Variants in ZNF469 observed in about 807,000 individuals in gnomAD.
ZNF469 encodes zinc finger protein 469.
Under a neutral mutation model 1.0 loss-of-function variants are expected in ZNF469, and 1 was observed. The ratio of observed to expected loss-of-function variants is 1.00; its 90% confidence interval spans 0.35 to 4.73. The LOEUF (loss-of-function observed/expected upper bound fraction) is 4.73. Among genes scored for constraint, ZNF469 ranks in the 30% most tolerant of loss-of-function variants. The pLI, the probability that ZNF469 is intolerant of heterozygous loss-of-function variation, is 0.16. For synonymous variants in ZNF469, 2,703 were observed against 2,363.4 expected (o/e 1.14, Z -4.17); for missense variants, 6,100 against 5,356.3 (o/e 1.14, Z -4.33).
the ZNF469 span, among the ~76,000 whole-genome samples, chr16:88,167,120 G>C: frequency 7.0e-6 from 1 of 142,916 alleles, no homozygotes; most frequent in African/African-American, 2.6e-5. Flanking sequence ...GGAGTGCAGT[G>C]GTGTGATCTT....
chr16:88,281,160 T>A, the ZNF469 span, among the ~76,000 whole-genome samples: 1 of 142,980 alleles, frequency 7.0e-6, no homozygotes, highest in South Asian at 2.3e-4. Context: ...GCTTGGTCAG[T>A]ACTGTGCTGA....
At chr16:88,266,625 GAGA>G in the ZNF469 span, among the ~76,000 whole-genome samples, 4 of 152,246 alleles carry the variant, frequency 2.6e-5, no homozygotes, top group African/African-American at 4.8e-5. Flanking sequence ...TACAAGAAAG[GAGA>G]AGGTTACCTA....
At chr16:88,411,681 G>A (rs1905172685) in intron 1 of ZNF469, among the ~76,000 whole-genome samples, 1 of 152,186 alleles carries the variant, frequency 6.6e-6, no homozygotes, top group African/African-American at 2.4e-5. Context: ...GACGGCGGTG[G>A]CCTGAGGTGG....
At chr16:88,218,358 G>C in the ZNF469 span, among the ~76,000 whole-genome samples, 2 of 149,880 alleles carry the variant, frequency 1.3e-5, no homozygotes, top group Non-Finnish European at 3.0e-5. Flanking sequence ...TGTCAGATGA[G>C]TAGGTTGCGA....
intron 1 of ZNF469, among the ~76,000 whole-genome samples, chr16:88,400,016 A>G (rs4782351): frequency 0.58 from 88,133 of 152,150 alleles, 25,718 homozygotes; most frequent in African/African-American, 0.61. Flanking sequence ...AGCCACCATC[A>G]TGCCTGCCTC....
chr16:88,322,977 C>G, the ZNF469 span, among the ~76,000 whole-genome samples: 1 of 152,210 alleles, frequency 6.6e-6, no homozygotes, highest in Non-Finnish European at 1.5e-5. Flanking sequence ...GAACGGCATG[C>G]TTACAACGCT....
chr16:88,261,972 T>A, the ZNF469 span, among the ~76,000 whole-genome samples: 1 of 152,192 alleles, frequency 6.6e-6, no homozygotes, highest in South Asian at 2.1e-4. The surrounding 1 kb of genome is among the most constrained non-coding windows in gnomAD (Gnocchi z 6.0). Flanking sequence ...CTGCACTGGC[T>A]GAAGCTCCGG....
chr16:88,326,202 G>A, the ZNF469 span, among the ~76,000 whole-genome samples: 1 of 152,178 alleles, frequency 6.6e-6, no homozygotes, highest in Non-Finnish European at 1.5e-5. Flanking sequence ...TGAATTACGG[G>A]GGTGGCTCTT....
At position 88,429,540 on chromosome 16, in the gene ZNF469, C is replaced by A. The variant is rs867021038; in HGVS notation, c.2070C>A (p.Phe690Leu). ...GAFQCLEETP[F>L]PHEGPEVGRG... ...TCCAGTGCCTGGAGGAGACCCCATTCCCCCACGAGGGCCCCGAGGTGGGTC... is the reference window on the plus strand; with the variant it reads ...TCCAGTGCCTGGAGGAGACCCCATTACCCCACGAGGGCCCCGAGGTGGGTC... The change falls in exon 3 of 3, where the codon TTC becomes TTA. Residue 690 changes from phenylalanine (F) to leucine (L), a missense_variant. Coordinates refer to ENST00000565624, the MANE Select transcript of ZNF469 (RefSeq NM_001367624.2). The A allele has an allele frequency of 5.2e-6, 8 of 1,549,524 alleles. No homozygotes were observed. In the African/African-American group the frequency reaches 1.1e-4, roughly 21 times the overall value.
chr16:88,153,338 C>G, the ZNF469 span, among the ~76,000 whole-genome samples: 1 of 152,218 alleles, frequency 6.6e-6, no homozygotes, highest in African/African-American at 2.4e-5. Context: ...CCCTGTATCC[C>G]TTCACATGTA....
rs1319825864 is a variant in ZNF469, at chr16:88,427,542, C to T, written c.72C>T (p.Ala24=). The T allele has an allele frequency of 6.5e-7, 1 of 1,536,380 alleles. No homozygotes were observed. The highest frequency in any genetic ancestry group is 8.7e-7 in the Non-Finnish European group (1 of 1,146,086). Residue 24 remains alanine, a synonymous_variant, in exon 3 of 3, where the codon GCC becomes GCT. Transcript: ENST00000565624. ...GAGACCTGCAGCCCCGCCAAGTTGC[C>T]AGCAGCCCGGGGCACCCCTCCCAGC... The part of the protein sequence containing the change: ...MTGDLQPRQV[A]SSPGHPSQPP...
At chr16:88,363,147 G>C in the ZNF469 span, among the ~76,000 whole-genome samples, 1 of 152,274 alleles carries the variant, frequency 6.6e-6, no homozygotes, top group East Asian at 1.9e-4. Context: ...CCTAGTAAAA[G>C]AACTACTTTT....
chr16:88,366,107 C>G, the ZNF469 span, among the ~76,000 whole-genome samples: 1 of 148,430 alleles, frequency 6.7e-6, no homozygotes, highest in African/African-American at 2.6e-5. Context: ...ACCATCATCA[C>G]CATCATCATC....
At chr16:88,426,102 A>G (rs897252268) in intron 2 of ZNF469, among the ~76,000 whole-genome samples, 5 of 152,246 alleles carry the variant, frequency 3.3e-5, no homozygotes, top group Non-Finnish European at 7.3e-5. Flanking sequence ...AGACACCACC[A>G]GCTCAGGCCG....
At chr16:88,358,255 G>C in the ZNF469 span, among the ~76,000 whole-genome samples, 11 of 152,300 alleles carry the variant, frequency 7.2e-5, no homozygotes, top group South Asian at 1.9e-3. Flanking sequence ...CAGGGGCTCG[G>C]ACCTCAGACC....
At chr16:88,101,212 G>A in the ZNF469 span, among the ~76,000 whole-genome samples, 2 of 152,264 alleles carry the variant, frequency 1.3e-5, no homozygotes, top group African/African-American at 2.4e-5. Context: ...GCTCGCAACC[G>A]AGGGGGTGCA....
chr16:88,225,284 T>C, the ZNF469 span, among the ~76,000 whole-genome samples: 1 of 152,252 alleles, frequency 6.6e-6, no homozygotes, highest in African/African-American at 2.4e-5. Context: ...GATTTCCCGA[T>C]GTGGCTGAAT....
the ZNF469 span, among the ~76,000 whole-genome samples, chr16:88,340,792 G>C: frequency 6.6e-6 from 1 of 152,150 alleles, no homozygotes; most frequent in Non-Finnish European, 1.5e-5. Context: ...AGGAGAGGGA[G>C]AGGGTGATGC....
At chr16:88,303,466 C>T in the ZNF469 span, among the ~76,000 whole-genome samples, 1 of 152,314 alleles carries the variant, frequency 6.6e-6, no homozygotes, top group East Asian at 1.9e-4. Context: ...CCTCCAAGGG[C>T]CCACCACAGC....
Sources: gnomAD v4.1 joint callset for allele counts (sites outside exome capture counted in the v4.1 genomes callset) on GRCh38, gnomAD v4.1.1 for gene constraint, Gnocchi (gnomAD v3.1) non-coding constraint, MANE v1.5 for transcripts, NCBI Gene and HGNC (gene_info 2026-07-23, HGNC 2026-07-21) for gene names.